Variants in THRB observed in about 807,000 individuals in gnomAD.
THRB encodes thyroid hormone receptor beta.
A neutral mutation model predicts 47.8 loss-of-function variants in THRB; 12 were observed. The ratio of observed to expected loss-of-function variants is 0.25; its 90% CI spans 0.16 to 0.41. The LOEUF is 0.41. Among genes scored for constraint, THRB ranks in the 10% least tolerant of loss-of-function variants. The probability of loss-of-function intolerance (pLI) is 1.00; values close to 1 mark genes in which losing one functional copy is unlikely to be tolerated. For missense variants in THRB, 348 were observed against 589.2 expected (o/e 0.59, Z 4.24); for synonymous variants, 218 against 212.2 (o/e 1.03, Z -0.24).
chr3:24,188,758 GCACA>G (rs10565889), intron 5 of THRB, among the ~76,000 whole-genome samples: 8 of 149,336 alleles, frequency 5.4e-5, no homozygotes, highest in African/African-American at 1.5e-4. Context: ...GCACACACGT[GCACA>G]CACACACACA....
chr3:24,246,044 C>T lies in THRB; in HGVS notation c.-42-17043G>A, dbSNP rs193257002. ...GGATGCTTGGACAGAATAGCTACAT[C>T]AGCTTGTTTTAATATCATTTGTACA... On this transcript the variant is annotated intron_variant, in intron 3 of 10. Coordinates refer to ENST00000646209, the MANE Select transcript of THRB (RefSeq NM_001354712.2). 5.4e-4 allele frequency among the ~76,000 whole-genome samples: 82 copies of T among 152,284 alleles called. 1 individual carries two copies. The highest frequency in any genetic ancestry group is 1.8e-3 in the African/African-American group (76 of 41,562).
chr3:24,132,029 C>T (rs73035937), intron 9 of THRB, among the ~76,000 whole-genome samples: 1,677 of 152,250 alleles, frequency 0.011, 23 homozygotes, highest in Non-Finnish European at 0.015. Flanking sequence ...CAGAAATTGG[C>T]AATGAGAAGT....
At chr3:24,495,317 CCAT>C (rs1426379272), upstream of THRB, 1 of 153,698 alleles carries the variant, frequency 6.5e-6, no homozygotes, top group East Asian at 1.9e-4. Flanking sequence ...CCGCCGCCAG[CCAT>C]CGCCACCGCC....
chr3:24,236,157 G>A (rs1447303133), intron 3 of THRB, among the ~76,000 whole-genome samples: 2 of 152,172 alleles, frequency 1.3e-5, no homozygotes, highest in Non-Finnish European at 2.9e-5. Flanking sequence ...GGAGGAGAGG[G>A]AGAGCTATAC....
chr3:24,276,152 G>A (rs1468138043), intron 3 of THRB, among the ~76,000 whole-genome samples: 3 of 152,000 alleles, frequency 2.0e-5, no homozygotes, highest in African/African-American at 7.3e-5. Context: ...TATTGTGTAT[G>A]GCTATGCTAA....
At chr3:24,393,707 T>C (rs911259882) in intron 1 of THRB, among the ~76,000 whole-genome samples, 1 of 152,146 alleles carries the variant, frequency 6.6e-6, no homozygotes, top group Non-Finnish European at 1.5e-5. Context: ...TCATGGACAG[T>C]AGCAATGTTT....
At chr3:24,220,541 A>C (rs2047045445) in intron 4 of THRB, among the ~76,000 whole-genome samples, 1 of 152,300 alleles carries the variant, frequency 6.6e-6, no homozygotes, top group Non-Finnish European at 1.5e-5. Context: ...TTTGAGCAGG[A>C]CAAACTTAGG....
At chr3:24,443,039 G>A (rs2071704091) in intron 1 of THRB, among the ~76,000 whole-genome samples, 1 of 149,788 alleles carries the variant, frequency 6.7e-6, no homozygotes, top group Non-Finnish European at 1.5e-5. Flanking sequence ...AAAATTAGCT[G>A]GGTGTGGTGT....
chr3:24,313,794 A>T (rs60009788), intron 2 of THRB, among the ~76,000 whole-genome samples: 23,382 of 137,152 alleles, frequency 0.17, 1,880 homozygotes, highest in African/African-American at 0.23. Context: ...GGCTTTTTTT[A>T]AAAAAAAAAA....
intron 1 of THRB, among the ~76,000 whole-genome samples, chr3:24,481,229 G>GT (rs746323691): frequency 0.11 from 6,237 of 55,352 alleles, 658 homozygotes; most frequent in Non-Finnish European, 0.15. Context: ...GTTTCTTTCT[G>GT]TTTTTTTTTT....
At chr3:24,204,263 A>T (rs2044998870) in intron 4 of THRB, among the ~76,000 whole-genome samples, 1 of 152,268 alleles carries the variant, frequency 6.6e-6, no homozygotes, top group Admixed American at 6.5e-5. Context: ...CAGTAGGGGC[A>T]GACTGACACC....
chr3:24,377,662 T>C (rs903162887), intron 1 of THRB, among the ~76,000 whole-genome samples: 2 of 152,168 alleles, frequency 1.3e-5, no homozygotes, highest in African/African-American at 2.4e-5. Flanking sequence ...GCACACATGC[T>C]ACACTGTGAC....
chr3:24,423,927 C>T (rs530667874), intron 1 of THRB, among the ~76,000 whole-genome samples: 2 of 151,858 alleles, frequency 1.3e-5, no homozygotes, highest in East Asian at 2.0e-4. Flanking sequence ...TTTTTATAAA[C>T]GTGCTTTCCA....
chr3:24,491,670 C>T (rs1698161613), intron 1 of THRB, among the ~76,000 whole-genome samples: 1 of 152,216 alleles, frequency 6.6e-6, no homozygotes, highest in African/African-American at 2.4e-5. Context: ...TACCACCATG[C>T]ACTGGTTGGT....
chr3:24,148,302 T>C (rs1433339084), intron 6 of THRB, among the ~76,000 whole-genome samples: 1 of 152,166 alleles, frequency 6.6e-6, no homozygotes, highest in Non-Finnish European at 1.5e-5. Flanking sequence ...AATTTTTGTA[T>C]TTTTAGTAGA....
chr3:24,246,134 A>G (rs2050094552), intron 3 of THRB, among the ~76,000 whole-genome samples: 1 of 152,208 alleles, frequency 6.6e-6, no homozygotes, highest in South Asian at 2.1e-4. Context: ...GAGTTCATGC[A>G]AGAAAAGGGC....
chr3:24,375,391 TTATAG>T (rs1553735907), intron 1 of THRB, among the ~76,000 whole-genome samples: 1,457 of 124,730 alleles, frequency 0.012, 10 homozygotes, highest in Middle Eastern at 0.04. Context: ...TATTAATATA[TTATAG>T]TTAGACATAT....
intron 2 of THRB, among the ~76,000 whole-genome samples, chr3:24,304,310 A>T (rs1271608670): frequency 3.9e-5 from 6 of 152,136 alleles, no homozygotes; most frequent in Admixed American, 2.0e-4. Flanking sequence ...ACCTTTTTTT[A>T]AAAGTAGATA....
At chr3:24,295,819 A>G (rs924574544) in intron 3 of THRB, among the ~76,000 whole-genome samples, 1 of 152,212 alleles carries the variant, frequency 6.6e-6, no homozygotes, top group African/African-American at 2.4e-5. Flanking sequence ...CTATCTGTAA[A>G]GCGATGGAAT....
Sources: allele counts gnomAD v4.1 joint callset (sites outside exome capture counted in the v4.1 genomes callset), GRCh38; gene constraint gnomAD v4.1.1; transcripts MANE v1.5; gene names NCBI Gene and HGNC (gene_info 2026-07-23, HGNC 2026-07-21).